Variants in IGF2BP3 observed in about 807,000 individuals in gnomAD.
IGF2BP3 encodes the protein insulin-like growth factor 2 mRNA-binding protein 3.
In IGF2BP3, 9 loss-of-function variants were observed where a neutral mutation model predicts 73.8. The observed-to-expected ratio is 0.12, with a 90% CI of 0.07 to 0.21. IGF2BP3 has a LOEUF of 0.21. IGF2BP3 is among the 10% of genes least tolerant of loss of function. The pLI is 1.00. For missense variants in IGF2BP3, 542 were observed against 714.0 expected (o/e 0.76, Z 2.75); for synonymous variants, 258 against 256.7 (o/e 1.01, Z -0.05).
chr7:23,423,061 C>T (rs377538307), intron 2 of IGF2BP3, among the ~76,000 whole-genome samples: 22 of 152,348 alleles, frequency 1.4e-4, no homozygotes, highest in East Asian at 1.2e-3. Context: ...AGGCGTGAGC[C>T]GCTGCGCCCA....
chr7:23,388,756 T>A (rs1786172408), intron 3 of IGF2BP3, among the ~76,000 whole-genome samples: 1 of 152,154 alleles, frequency 6.6e-6, no homozygotes, highest in Non-Finnish European at 1.5e-5. Context: ...TCAAATGTCT[T>A]TAGTTTAAAA....
At chr7:23,414,669 C>G (rs1255154659) in intron 3 of IGF2BP3, 2 of 152,888 alleles carry the variant, frequency 1.3e-5, no homozygotes, top group Admixed American at 6.5e-5. Flanking sequence ...TTTGTGATGC[C>G]AGGTCTAGGA....
chr7:23,364,416 C>T (rs1288364688), intron 3 of IGF2BP3, among the ~76,000 whole-genome samples: 4 of 150,238 alleles, frequency 2.7e-5, no homozygotes, highest in Non-Finnish European at 5.9e-5. Flanking sequence ...GGAGTGGTGG[C>T]GGGTGCCTGT....
At chr7:23,440,114 T>A (rs1229608299) in intron 2 of IGF2BP3, among the ~76,000 whole-genome samples, 2 of 152,046 alleles carry the variant, frequency 1.3e-5, no homozygotes, top group East Asian at 3.9e-4. Flanking sequence ...ATACAAAAAA[T>A]TAGCTGGGTG....
intron 2 of IGF2BP3, among the ~76,000 whole-genome samples, chr7:23,462,815 T>G (rs1316162392): frequency 6.6e-6 from 1 of 152,252 alleles, no homozygotes; most frequent in Non-Finnish European, 1.5e-5. Context: ...GAACTGTGTT[T>G]ATTTACCAAT....
chr7:23,317,609 T>C, intron 12 of IGF2BP3, 30 bp downstream of exon 12: 2 of 1,569,372 alleles, frequency 1.3e-6, no homozygotes, highest in Non-Finnish European at 1.8e-6. Flanking sequence ...TTGTTACCTG[T>C]GGACATAGCA....
At chr7:23,434,091 TAAAAAAA>T (rs11362019) in intron 2 of IGF2BP3, among the ~76,000 whole-genome samples, 1 of 129,522 alleles carries the variant, frequency 7.7e-6, no homozygotes, top group African/African-American at 2.9e-5. Context: ...AAATTAAAAT[TAAAAAAA>T]AAAAAAAAAA....
chr7:23,443,166 C>G, intron 2 of IGF2BP3, among the ~76,000 whole-genome samples: 1 of 132,440 alleles, frequency 7.6e-6, no homozygotes, highest in Non-Finnish European at 1.5e-5. Context: ...AGGCTGGTGA[C>G]ACCACACCCA....
intron 3 of IGF2BP3, among the ~76,000 whole-genome samples, chr7:23,417,326 G>A (rs958295131): frequency 1.4e-4 from 21 of 152,148 alleles, no homozygotes; most frequent in Middle Eastern, 3.2e-3. Flanking sequence ...TATCTTGCGT[G>A]CCCATATTTG....
At chr7:23,401,190 A>G (rs1583995272) in intron 3 of IGF2BP3, among the ~76,000 whole-genome samples, 1 of 152,204 alleles carries the variant, frequency 6.6e-6, no homozygotes, top group African/African-American at 2.4e-5. Flanking sequence ...AAGTAAGGAC[A>G]CCATCCATAT....
At chr7:23,373,551 T>C (rs1317352696) in intron 3 of IGF2BP3, among the ~76,000 whole-genome samples, 1 of 151,792 alleles carries the variant, frequency 6.6e-6, no homozygotes, top group African/African-American at 2.4e-5. Flanking sequence ...CAAAGGAAAA[T>C]AATGAGTGTT....
chr7:23,406,176 T>C (rs1294410743), intron 3 of IGF2BP3, among the ~76,000 whole-genome samples: 1 of 152,158 alleles, frequency 6.6e-6, no homozygotes, highest in Non-Finnish European at 1.5e-5. Flanking sequence ...GAAGCTATAG[T>C]TCCAAGGGGA....
At chr7:23,383,521 T>A (rs934451487) in intron 3 of IGF2BP3, among the ~76,000 whole-genome samples, 1 of 152,198 alleles carries the variant, frequency 6.6e-6, no homozygotes, top group Non-Finnish European at 1.5e-5. Flanking sequence ...AACCATCTTA[T>A]ACCGCTGGCA....
At chr7:23,365,806 A>C (rs1785354180) in intron 3 of IGF2BP3, 1 of 152,562 alleles carries the variant, frequency 6.6e-6, no homozygotes, top group Admixed American at 6.5e-5. Context: ...AGGCTCAACA[A>C]AGTTGTCTGG....
intron 10 of IGF2BP3, among the ~76,000 whole-genome samples, chr7:23,324,976 G>A (rs1784254876): frequency 1.3e-5 from 2 of 149,776 alleles, no homozygotes; most frequent in African/African-American, 2.5e-5. Context: ...TACTGAATGG[G>A]CAAAAACTGG....
chr7:23,422,554 C>T (rs1285197445), intron 2 of IGF2BP3, among the ~76,000 whole-genome samples: 1 of 152,196 alleles, frequency 6.6e-6, no homozygotes, highest in Non-Finnish European at 1.5e-5. Context: ...GACCCTGTCT[C>T]ACACACGCAC....
intron 10 of IGF2BP3, among the ~76,000 whole-genome samples, chr7:23,331,463 T>C (rs529260365): frequency 5.8e-4 from 89 of 152,266 alleles, no homozygotes; most frequent in Admixed American, 7.2e-4. Flanking sequence ...TTGCAAAGTA[T>C]CTTAAACGTG....
At position 23,317,096 on chromosome 7, in the gene IGF2BP3, A is replaced by G. The variant is rs143942642; in HGVS notation, c.1395+543T>C. On this transcript the variant is annotated intron_variant, in intron 12 of 14. Coordinates refer to ENST00000258729, the MANE Select transcript of IGF2BP3 (RefSeq NM_006547.3). Reference sequence around the variant, plus strand: ...TCTACCATCTCTCAGTAGACATTGAAAGGCACACTGCAGCCCCAAAGACCT... The same window carrying G: ...TCTACCATCTCTCAGTAGACATTGAGAGGCACACTGCAGCCCCAAAGACCT... Among the ~76,000 whole-genome samples the G allele has an allele frequency of 2.0e-5, 3 of 152,326 alleles. No homozygotes were observed. The East Asian group carries it at 5.8e-4, about 29-fold the overall frequency.
At chr7:23,387,074 A>G (rs528035546) in intron 3 of IGF2BP3, among the ~76,000 whole-genome samples, 3 of 151,810 alleles carry the variant, frequency 2.0e-5, no homozygotes, top group South Asian at 2.1e-4. Flanking sequence ...AAAAAAAAAA[A>G]AAAGAAAGAA....
Sources: gnomAD v4.1 joint callset for allele counts (sites outside exome capture counted in the v4.1 genomes callset) on GRCh38, gnomAD v4.1.1 for gene constraint, MANE v1.5 for transcripts, NCBI Gene and HGNC (gene_info 2026-07-23, HGNC 2026-07-21) for gene names.